The following SLC7A9 variants were observed in gnomAD, a reference collection of about 807,000 sequenced individuals.
SLC7A9 encodes the protein solute carrier family 7 member 9.
SLC7A9 carries 38 observed loss-of-function variants against 54.1 expected under a neutral mutation model. The observed-to-expected ratio is 0.70, with a 90% CI of 0.54 to 0.92. The LOEUF is 0.92. SLC7A9 is among the 40% of genes least tolerant of loss of function. The pLI is 0.00. For synonymous variants in SLC7A9, 264 were observed against 258.9 expected (o/e 1.02, Z -0.19); for missense variants, 537 against 636.1 (o/e 0.84, Z 1.68).
intron 9 of SLC7A9, among the ~76,000 whole-genome samples, chr19:32,847,900 G>T (rs980678599): frequency 7.9e-5 from 12 of 152,132 alleles, no homozygotes; most frequent in African/African-American, 2.7e-4. Flanking sequence ...TTAAAGAAAA[G>T]AATTTTCAAC....
intron 2 of SLC7A9, among the ~76,000 whole-genome samples, chr19:32,868,233 A>G (rs1373260648): frequency 8.9e-6 from 1 of 112,544 alleles, no homozygotes; most frequent in African/African-American, 5.5e-5. Context: ...TCCATCTCAA[A>G]AAAAAAAAAA....
At chr19:32,853,156 C>T (rs1968519304) in intron 9 of SLC7A9, among the ~76,000 whole-genome samples, 1 of 152,158 alleles carries the variant, frequency 6.6e-6, no homozygotes, top group Non-Finnish European at 1.5e-5. Context: ...AGTGATCCAC[C>T]CACTTCGGCC....
At chr19:32,853,916 CAAAAA>C (rs139253538) in intron 9 of SLC7A9, among the ~76,000 whole-genome samples, 95 of 119,828 alleles carry the variant, frequency 7.9e-4, no homozygotes, top group Middle Eastern at 3.9e-3. Flanking sequence ...GATCCTGTCT[CAAAAA>C]AAAAAAAAAA....
chr19:32,863,806 G>GT (rs1555785294), intron 4 of SLC7A9, among the ~76,000 whole-genome samples: 1 of 152,174 alleles, frequency 6.6e-6, no homozygotes, highest in Non-Finnish European at 1.5e-5. Context: ...TCAGGGCGTG[G>GT]TAAGCAGCCT....
chr19:32,851,832 T>C (rs1184616721), intron 9 of SLC7A9, among the ~76,000 whole-genome samples: 1 of 152,180 alleles, frequency 6.6e-6, no homozygotes, highest in East Asian at 1.9e-4. Flanking sequence ...CATGGAATAC[T>C]ATGTAGCCAT....
chr19:32,866,682 G>A (rs1968980582), intron 2 of SLC7A9, among the ~76,000 whole-genome samples: 1 of 152,186 alleles, frequency 6.6e-6, no homozygotes, highest in South Asian at 2.1e-4. Context: ...CTGAGATCAG[G>A]CCTGAGACTG....
At position 32,868,435 on chromosome 19, in the gene SLC7A9, G is replaced by C; in HGVS notation, c.87+13C>G. On this transcript the variant is annotated intron_variant, in intron 2 of 12. Transcript: ENST00000023064. ...AACCTGCAAAGGGCCTGCCCCACCA[G>C]AGACCGCCTTACCTCCTTTTGGAGA... 1.2e-6 allele frequency: 2 copies of C among 1,611,452 alleles called. No individual in the cohort carries two copies. Among genetic ancestry groups the C allele is most frequent in the Non-Finnish European group, 1.7e-6 (2 of 1,177,686 alleles).
intron 11 of SLC7A9, among the ~76,000 whole-genome samples, chr19:32,840,990 T>C (rs745401915): frequency 4.6e-5 from 7 of 152,166 alleles, no homozygotes; most frequent in Non-Finnish European, 8.8e-5. Flanking sequence ...TTTGTGCAGA[T>C]TACAAGTCTA....
chr19:32,840,833 G>A (rs1197904758), intron 11 of SLC7A9, among the ~76,000 whole-genome samples: 1 of 152,068 alleles, frequency 6.6e-6, no homozygotes, highest in Admixed American at 6.5e-5. Flanking sequence ...CTCTCTCCTG[G>A]GAACACATGG....
At chr19:32,832,408 A>G (rs1568509079) in intron 12 of SLC7A9, among the ~76,000 whole-genome samples, 2 of 151,682 alleles carry the variant, frequency 1.3e-5, no homozygotes, top group South Asian at 4.2e-4. Context: ...CCAACATGGT[A>G]AAACCTCATC....
chr19:32,835,889 CTGTGTG>C (rs1212868987), intron 11 of SLC7A9, among the ~76,000 whole-genome samples: 2 of 140,776 alleles, frequency 1.4e-5, no homozygotes, highest in African/African-American at 2.7e-5. Context: ...AATTTATGTA[CTGTGTG>C]TGTGTGTGTG....
intron 2 of SLC7A9, among the ~76,000 whole-genome samples, chr19:32,866,851 C>A (rs1599691607): frequency 6.6e-6 from 1 of 152,204 alleles, no homozygotes; most frequent in Non-Finnish European, 1.5e-5. Context: ...GGAGGCCCTG[C>A]CCACACCTCT....
At chr19:32,854,251 G>A (rs1411702448) in intron 9 of SLC7A9, among the ~76,000 whole-genome samples, 2 of 151,998 alleles carry the variant, frequency 1.3e-5, no homozygotes, top group East Asian at 3.9e-4. Flanking sequence ...ATGGGCTCAA[G>A]CAGTCCTCCC....
At chr19:32,835,207 A>T (rs1967922961) in intron 11 of SLC7A9, among the ~76,000 whole-genome samples, 1 of 152,156 alleles carries the variant, frequency 6.6e-6, no homozygotes, top group Admixed American at 6.5e-5. Context: ...TTAACATTTT[A>T]TTTTAGATTT....
intron 9 of SLC7A9, among the ~76,000 whole-genome samples, chr19:32,850,017 T>C (rs971051228): frequency 5.5e-4 from 83 of 151,608 alleles, no homozygotes; most frequent in Non-Finnish European, 1.3e-4. Flanking sequence ...AATTAGGTAT[T>C]GATGGGACGT....
chr19:32,852,806 C>A (rs1315330092), intron 9 of SLC7A9, among the ~76,000 whole-genome samples: 1 of 149,200 alleles, frequency 6.7e-6, no homozygotes, highest in Non-Finnish European at 1.5e-5. Context: ...TGGAACCGGA[C>A]AAAATAATTC....
chr19:32,860,012 C>T (rs1469547305), intron 7 of SLC7A9, 48 bp from the exon 8 acceptor site: 6 of 1,613,648 alleles, frequency 3.7e-6, no homozygotes, highest in Non-Finnish European at 5.1e-6. Context: ...CACAGCCTCC[C>T]GCGGAAGATG....
intron 11 of SLC7A9, among the ~76,000 whole-genome samples, chr19:32,838,717 T>C (rs1463179469): frequency 6.7e-6 from 1 of 148,340 alleles, no homozygotes; most frequent in East Asian, 1.9e-4. Context: ...TATATGTATA[T>C]GTATTTGTAT....
rs753696607 is a variant in SLC7A9 at position 32,868,401 on chromosome 19, C to T, written c.87+47G>A. 2.7e-6 allele frequency: 4 copies of T among 1,491,798 alleles called. No individual in the cohort carries two copies. The Admixed American group carries it at 5.0e-5, about 19-fold the overall frequency. The allele number at this position is 1,491,798 out of a possible 1,614,324, so 92.4% of individuals were successfully genotyped here. On this transcript the variant is annotated intron_variant, in intron 2 of 12. Coordinates refer to ENST00000023064, the MANE Select transcript of SLC7A9 (RefSeq NM_014270.5). ...ACTGCCTGCGCCCCTCGTTCAGACG[C>T]CCTTGCCTAACCTGCAAAGGGCCTG...
Sources: allele counts gnomAD v4.1 joint callset (sites outside exome capture counted in the v4.1 genomes callset), GRCh38; gene constraint gnomAD v4.1.1; transcripts MANE v1.5; gene names NCBI Gene and HGNC (gene_info 2026-07-23, HGNC 2026-07-21).